Variants in ADGRV1 observed in about 807,000 individuals in gnomAD.
The protein encoded by ADGRV1 is adhesion G protein-coupled receptor V1, also known as G-protein coupled receptor 98.
In ADGRV1, 359 loss-of-function variants were observed where a neutral mutation model predicts 596.2. That is an observed-to-expected ratio of 0.60 (90% confidence interval 0.55 to 0.66). The LOEUF (loss-of-function observed/expected upper bound fraction) is 0.66. Among genes scored for constraint, ADGRV1 ranks in the 30% least tolerant of loss-of-function variants. The pLI is 0.00. For missense variants in ADGRV1, 7,274 were observed against 7,575.6 expected, an observed-to-expected ratio of 0.96 and a Z score of 1.48; for synonymous variants, 2,681 against 2,679.2, an observed-to-expected ratio of 1.00 and a Z score of -0.02.
At chr5:90,967,298 A>G (rs143475532) in intron 84 of ADGRV1, among the ~76,000 whole-genome samples, 51 of 152,294 alleles carry the variant, frequency 3.3e-4, no homozygotes, top group African/African-American at 1.2e-3. Context: ...CCTAACTCAT[A>G]GAATTATTAT....
chr5:91,016,351 A>G (rs1783171283), intron 85 of ADGRV1, among the ~76,000 whole-genome samples: 1 of 151,932 alleles, frequency 6.6e-6, no homozygotes, highest in South Asian at 2.1e-4. Flanking sequence ...TCTAGCCCCC[A>G]TCCTAGTTCT....
At chr5:90,902,561 G>A (rs545637154) in intron 83 of ADGRV1, among the ~76,000 whole-genome samples, 20 of 152,140 alleles carry the variant, frequency 1.3e-4, no homozygotes, top group East Asian at 7.7e-4. Flanking sequence ...CAATATATGC[G>A]CATCAATATA....
At chr5:91,079,332 T>A (rs1789133091) in intron 86 of ADGRV1, among the ~76,000 whole-genome samples, 1 of 152,182 alleles carries the variant, frequency 6.6e-6, no homozygotes, top group African/African-American at 2.4e-5. Flanking sequence ...ATTTTGCCAA[T>A]AGTGGTGGGG....
chr5:90,620,880 T>A (rs748927127), intron 4 of ADGRV1, among the ~76,000 whole-genome samples: 1 of 152,212 alleles, frequency 6.6e-6, no homozygotes, highest in Non-Finnish European at 1.5e-5. Context: ...ATTACATCTC[T>A]TCAAAATTCT....
At chr5:91,106,101 A>C (rs1219096337) in intron 87 of ADGRV1, among the ~76,000 whole-genome samples, 1 of 152,066 alleles carries the variant, frequency 6.6e-6, no homozygotes, top group Non-Finnish European at 1.5e-5. Context: ...TTTGGGTCTT[A>C]CATTTAGGTC....
intron 85 of ADGRV1, among the ~76,000 whole-genome samples, chr5:91,047,234 A>T (rs1438295087): frequency 2.0e-5 from 3 of 152,206 alleles, no homozygotes; most frequent in Non-Finnish European, 4.4e-5. Context: ...TATAAAAAAG[A>T]TAATATCCTT....
Position 91,037,638 on chromosome 5 carries a change from A to G in ADGRV1, c.18153-34809A>G, listed in dbSNP as rs115358017. On this transcript the variant is annotated intron_variant, in intron 85 of 89. Transcript: ENST00000405460. ...GACAGGCTTTAAACAGATAAGCCAT[A>G]AAAAGATTATTTGCAATTTAGATAA... Among the ~76,000 whole-genome samples, 692 of 152,316 alleles carry G rather than the reference A, an allele frequency of 4.5e-3. 5 individuals carry two copies. Among genetic ancestry groups the G allele is most frequent in the Middle Eastern group, 0.02 (6 of 294 alleles).
chr5:90,678,040 T>C (rs1469977590), intron 25 of ADGRV1, among the ~76,000 whole-genome samples: 2 of 152,218 alleles, frequency 1.3e-5, no homozygotes, highest in Non-Finnish European at 2.9e-5. Context: ...GAACTTCTTT[T>C]TTATGACTTC....
chr5:90,641,547 G>A (rs1175582262), intron 11 of ADGRV1, among the ~76,000 whole-genome samples: 1 of 152,110 alleles, frequency 6.6e-6, no homozygotes, highest in Non-Finnish European at 1.5e-5. Context: ...TGAAAATTAT[G>A]ACTGTTTTAA....
At chr5:91,148,348 T>A (rs1795731360) in intron 87 of ADGRV1, among the ~76,000 whole-genome samples, 1 of 152,110 alleles carries the variant, frequency 6.6e-6, no homozygotes. Context: ...AAAGATGGTA[T>A]CCTAGACCTG....
intron 83 of ADGRV1, among the ~76,000 whole-genome samples, chr5:90,867,906 A>G (rs1181526035): frequency 6.6e-6 from 1 of 152,226 alleles, no homozygotes; most frequent in Non-Finnish European, 1.5e-5. Flanking sequence ...ATAAAAAAGT[A>G]TGTAAGCGTT....
intron 9 of ADGRV1, among the ~76,000 whole-genome samples, chr5:90,632,212 A>G (rs924540543): frequency 2.6e-5 from 4 of 152,116 alleles, no homozygotes; most frequent in African/African-American, 4.8e-5. Context: ...CAACTCATGC[A>G]AGAACCAGAT....
intron 86 of ADGRV1, among the ~76,000 whole-genome samples, chr5:91,100,465 G>A (rs376355700): frequency 6.7e-6 from 1 of 150,060 alleles, no homozygotes; most frequent in African/African-American, 2.4e-5. Flanking sequence ...AAAAGAGAAA[G>A]AAAACAAAAA....
intron 85 of ADGRV1, among the ~76,000 whole-genome samples, chr5:91,031,477 AG>A (rs1439778915): frequency 6.6e-6 from 1 of 152,216 alleles, no homozygotes; most frequent in Non-Finnish European, 1.5e-5. Context: ...TTGGCATTTC[AG>A]AGAAAGCCAC....
intron 83 of ADGRV1, among the ~76,000 whole-genome samples, chr5:90,954,864 A>G (rs1310732659): frequency 6.6e-6 from 1 of 152,140 alleles, no homozygotes; most frequent in Non-Finnish European, 1.5e-5. Context: ...ACTGGTTGCT[A>G]TGTTTCTGAT....
intron 87 of ADGRV1, among the ~76,000 whole-genome samples, 196 bp from the exon 88 acceptor site, chr5:91,149,831 CAAA>C (rs59523008): frequency 1.9e-4 from 16 of 85,890 alleles, no homozygotes; most frequent in African/African-American, 6.2e-4. Context: ...AACTCCAGCT[CAAA>C]AAAAAAAAAA....
At chr5:90,914,365 A>G (rs1773158806) in intron 83 of ADGRV1, among the ~76,000 whole-genome samples, 1 of 152,042 alleles carries the variant, frequency 6.6e-6, no homozygotes, top group Admixed American at 6.6e-5. Context: ...TTTCATAGAG[A>G]CTCGTCTCAT....
At chr5:90,588,352 A>G (rs1396002058) in intron 1 of ADGRV1, among the ~76,000 whole-genome samples, 1 of 152,234 alleles carries the variant, frequency 6.6e-6, no homozygotes, top group African/African-American at 2.4e-5. Context: ...AGAAAGTAAA[A>G]ATGAGATTAA....
chr5:90,970,847 T>C (rs140851058), intron 84 of ADGRV1, among the ~76,000 whole-genome samples: 6,732 of 152,078 alleles, frequency 0.044, 158 homozygotes, highest in Middle Eastern at 0.065. Flanking sequence ...AGAACAAAGC[T>C]AGACGGAGAA....
Sources: gnomAD v4.1 joint callset for allele counts (sites outside exome capture counted in the v4.1 genomes callset) on GRCh38, gnomAD v4.1.1 for gene constraint, MANE v1.5 for transcripts, NCBI Gene and HGNC (gene_info 2026-07-23, HGNC 2026-07-21) for gene names.